Variants in SIGLEC12 observed in about 807,000 individuals in gnomAD.
SIGLEC12 encodes the protein sialic acid binding Ig like lectin 12.
In SIGLEC12, 43 loss-of-function variants were observed where a neutral mutation model predicts 54.1. The observed-to-expected ratio is 0.80, with a 90% CI of 0.62 to 1.03. The LOEUF (loss-of-function observed/expected upper bound fraction) is 1.03, where lower values mean the gene tolerates loss of function less well. Among genes scored for constraint, SIGLEC12 ranks in the 50% least tolerant of loss-of-function variants. The pLI, the probability that SIGLEC12 is intolerant of heterozygous loss-of-function variation, is 0.00. For missense variants in SIGLEC12, 802 were observed against 735.2 expected, an observed-to-expected ratio of 1.09 and a Z score of -1.05; for synonymous variants, 357 against 307.6, an observed-to-expected ratio of 1.16 and a Z score of -1.68.
chr19:51,498,801 G>A (rs1380513777), intron 4 of SIGLEC12, among the ~76,000 whole-genome samples: 2 of 152,162 alleles, frequency 1.3e-5, no homozygotes, highest in African/African-American at 4.8e-5. Context: ...AGACTCTGCT[G>A]TGCATTATAA....
Position 51,501,651 on chromosome 19 carries a change from A to G in SIGLEC12, c.83T>C (p.Met28Thr), listed in dbSNP as rs781695255. ...CTCCTGCACCGTCACGGACTTCTGC[A>G]TTGTCAGCAGGTAATCCTTCTGTTC... Reference protein sequence around the residue: ...AKEQKDYLLTMQKSVTVQEGL... With the variant: ...AKEQKDYLLTTQKSVTVQEGL... The change falls in exon 1 of 8, where the codon ATG becomes ACG. Residue 28 changes from methionine to threonine, a missense_variant. Physicochemically the swap from Met to Thr is moderately conservative, Grantham distance 81 (BLOSUM62 -1). Transcript: ENST00000291707. The G allele has an allele frequency of 5.6e-6, 9 of 1,614,178 alleles. No individual in the cohort carries two copies. Among genetic ancestry groups the G allele is most frequent in the Non-Finnish European group, 7.6e-6 (9 of 1,180,012 alleles).
At chr19:51,495,349 A>ACGGG (rs1568528946) in intron 7 of SIGLEC12, among the ~76,000 whole-genome samples, 46 of 73,580 alleles carry the variant, frequency 6.3e-4, no homozygotes, top group Non-Finnish European at 7.6e-4. Context: ...GGATGGATGG[A>ACGGG]TGGACAGACG....
rs150618212 is a variant in SIGLEC12 at position 51,501,642 on chromosome 19, G to A, written c.92C>T (p.Ser31Phe). The part of the protein sequence containing the change: ...QKDYLLTMQK[S>F]VTVQEGLCVS... The stretch of plus-strand genomic sequence containing the variant: ...ACACAGGCCCTCCTGCACCGTCACG[G>A]ACTTCTGCATTGTCAGCAGGTAATC... The change falls in exon 1 of 8, where the codon TCC becomes TTC. Residue 31 changes from serine (S) to phenylalanine (F), a missense_variant. Transcript: ENST00000291707. 1 of 1,614,174 alleles carries A rather than the reference G, an allele frequency of 6.2e-7. No homozygotes were observed. Among genetic ancestry groups the A allele is most frequent in the East Asian group, 2.2e-5 (1 of 44,892 alleles).
At position 51,491,486 on chromosome 19, in the gene SIGLEC12, G is replaced by T; in HGVS notation, c.*155C>A. The T allele has an allele frequency of 2.9e-6, 2 of 698,816 alleles. No individual in the cohort carries two copies. Among genetic ancestry groups the T allele is most frequent in the Non-Finnish European group, 4.8e-6 (2 of 417,408 alleles). The allele number at this position is 698,816 out of a possible 1,614,324, so 43.3% of individuals were successfully genotyped here. A position where few individuals can be genotyped will look rare whatever the true frequency, so the allele number is the denominator to read the frequency against. ...GATTGGATGGAGAAAGGGAGAGTTT[G>T]GTCATCAGGCACGCATTTTCAGTTT... On this transcript the variant is annotated 3_prime_UTR_variant, in exon 8 of 8. Coordinates refer to ENST00000291707, the MANE Select transcript of SIGLEC12 (RefSeq NM_053003.4).
chr19:51,499,546 G>A lies in SIGLEC12; in HGVS notation c.979C>T (p.Leu327Phe), dbSNP rs778382810. The change falls in exon 3 of 8, where the codon CTC becomes TTC. Residue 327 changes from leucine (L) to phenylalanine (F), a missense_variant. By Grantham distance (22) the Leu-to-Phe change is conservative. Coordinates refer to ENST00000291707, the MANE Select transcript of SIGLEC12 (RefSeq NM_053003.4). ...TCCTGGGGCTGTGGGATGAGGCTGA[G>A]CATCGAGGAGCGAGTGATAGTGGGG... ...LDPTITRSSM[L>F]SLIPQPQDHG... 6.2e-7 allele frequency: 1 copy of A among 1,610,982 alleles called. No homozygotes were observed. Among genetic ancestry groups the A allele is most frequent in the African/African-American group, 1.3e-5 (1 of 74,852 alleles).
At chr19:51,495,250 CGGG>C in intron 7 of SIGLEC12, among the ~76,000 whole-genome samples, 1 of 40,414 alleles carries the variant, frequency 2.5e-5, no homozygotes, top group Non-Finnish European at 4.9e-5. Flanking sequence ...GATGGATGGA[CGGG>C]TGGGTGGGTG....
intron 2 of SIGLEC12, 77 bp from the exon 3 acceptor site, chr19:51,499,793 T>C (rs1012346483): frequency 3.8e-6 from 6 of 1,570,864 alleles, no homozygotes; most frequent in African/African-American, 2.7e-5. Flanking sequence ...CAGGCTCTGG[T>C]CTTACTCCTC....
At chr19:51,500,484 C>T (rs1004545758) in intron 1 of SIGLEC12, 184 bp from the exon 2 acceptor site, 2 of 1,018,732 alleles carry the variant, frequency 2.0e-6, no homozygotes, top group Non-Finnish European at 2.9e-6. Context: ...GAGACCTCAG[C>T]CCTGCATGGA....
At chr19:51,495,377 A>G (rs1190623380) in intron 7 of SIGLEC12, among the ~76,000 whole-genome samples, 3 of 82,194 alleles carry the variant, frequency 3.6e-5, no homozygotes, top group African/African-American at 1.5e-4. Context: ...GGATGGATGG[A>G]TGGATGGATG....
rs1042725098 is a variant in SIGLEC12, at chr19:51,499,054, G to A, written c.1135+116C>T. The A allele has an allele frequency of 3.9e-6, 4 of 1,038,884 alleles. No individual in the cohort carries two copies. The Admixed American group carries it at 7.4e-5, about 19-fold the overall frequency. The allele number at this position is 1,038,884 out of a possible 1,614,324, so 64.4% of individuals were successfully genotyped here. On this transcript the variant is annotated intron_variant, in intron 4 of 7. Transcript: ENST00000291707. ...GGTGGCCAAAAGGCTGAGGCTGAGG[G>A]AGGGGGGGGCCGGGGCTCACCCACA...
intron 1 of SIGLEC12, 60 bp from the exon 2 acceptor site, chr19:51,500,360 A>G (rs951802429): frequency 1.9e-6 from 3 of 1,613,504 alleles, no homozygotes; most frequent in African/African-American, 2.7e-5. Flanking sequence ...TGCCCATAGC[A>G]GGGGCAGCAG....
intron 7 of SIGLEC12, 151 bp downstream of exon 7, chr19:51,496,729 C>A (rs1408043188): frequency 2.6e-6 from 2 of 771,156 alleles, no homozygotes; most frequent in Admixed American, 2.2e-5. Flanking sequence ...ATGGGGAGGG[C>A]AATGAAAGCT....
rs1384659849 is a variant in SIGLEC12, at chr19:51,497,207, A to G, written c.1502+142T>C. 5 of 903,944 alleles carry G rather than the reference A, an allele frequency of 5.5e-6. No individual in the cohort carries two copies. The East Asian group carries it at 1.3e-4, about 23-fold the overall frequency. 56.0% of individuals were successfully genotyped at this position (903,944 alleles called of 1,614,324 possible). A position where few individuals can be genotyped will look rare whatever the true frequency, so the allele number is the denominator to read the frequency against. On this transcript the variant is annotated intron_variant, in intron 6 of 7. Transcript: ENST00000291707. ...CTCCACAAACAGGGGCGCTCATGAA[A>G]TTCTTACCATGCACCCATGACCTCA... is the stretch of plus-strand genomic sequence containing the variant.
chr19:51,491,622 C>G lies in SIGLEC12; in HGVS notation c.*19G>C. The G allele has an allele frequency of 3.1e-6, 5 of 1,613,400 alleles. No individual in the cohort carries two copies. Among genetic ancestry groups the G allele is most frequent in the Non-Finnish European group, 4.2e-6 (5 of 1,179,658 alleles). On this transcript the variant is annotated 3_prime_UTR_variant, in exon 8 of 8. Transcript: ENST00000291707. ...CAGGGGTCGTGAGCCCTCAAACAGGCCTGAGTCTCTGCAGTTTCTCACTTG... is the reference window on the plus strand; with the variant it reads ...CAGGGGTCGTGAGCCCTCAAACAGGGCTGAGTCTCTGCAGTTTCTCACTTG...
Position 51,501,514 on chromosome 19 carries a change from TG to T in SIGLEC12, c.219del (p.Asn73LysfsTer34). On this transcript the variant is annotated frameshift_variant, in exon 1 of 8. Transcript: ENST00000291707. LOFTEE classifies it high-confidence loss of function. ...GCTGGGTTGTTTGTGGCCACTGGAA[TG>T]TTCCGGCTTACATGGTCCCCTGCCC... The part of the protein sequence containing the change: ...WFRAGDHVSR[N>X]IPVATNNPAR... 1 of 1,592,322 alleles carries T rather than the reference TG, an allele frequency of 6.3e-7. No individual in the cohort carries two copies. The highest frequency in any genetic ancestry group is 8.5e-7 in the Non-Finnish European group (1 of 1,171,476).
At chr19:51,495,406 T>C (rs1433709995) in intron 7 of SIGLEC12, among the ~76,000 whole-genome samples, 2 of 72,214 alleles carry the variant, frequency 2.8e-5, no homozygotes, top group South Asian at 5.6e-4. Flanking sequence ...GATGGGTGGG[T>C]GGGTGGGTGG....
rs752882777 is a variant in SIGLEC12, at chr19:51,498,186, A to G, written c.1237T>C (p.Trp413Arg). The G allele has an allele frequency of 4.3e-6, 7 of 1,614,258 alleles. No homozygotes were observed. In the South Asian group the frequency reaches 6.6e-5, roughly 15 times the overall value. The part of the protein sequence containing the change: ...VDSNPPARLS[W>R]TWGSLTLSPS... ...CTCAGGGTCAGGCTCCCCCAGGTCC[A>G]GCTCAGCCTGGCAGGGGGATTGCTG... Residue 413 changes from tryptophan (W) to arginine (R), a missense_variant, in exon 5 of 8, where the codon TGG becomes CGG. Physicochemically the swap from Trp to Arg is moderately radical, Grantham distance 101 (BLOSUM62 -3). Coordinates refer to ENST00000291707, the MANE Select transcript of SIGLEC12 (RefSeq NM_053003.4).
rs74640075 is a variant in SIGLEC12, at chr19:51,495,678, T to C, written c.1599+1202A>G. On this transcript the variant is annotated intron_variant, in intron 7 of 7. Transcript: ENST00000291707. ...ATTGGTTTGGCCATATCCCTCTGTA[T>C]AGAATTAAACTTCGATGAGCCCAAG... is the stretch of plus-strand genomic sequence containing the variant. Among the ~76,000 whole-genome samples, 1,227 of 152,320 alleles carry C rather than the reference T, an allele frequency of 8.1e-3. 20 individuals carry two copies. The highest frequency in any genetic ancestry group is 0.028 in the African/African-American group (1,173 of 41,572).
chr19:51,501,777 C>T lies in SIGLEC12; in HGVS notation c.-44G>A. On this transcript the variant is annotated 5_prime_UTR_variant, in exon 1 of 8. Coordinates refer to ENST00000291707, the MANE Select transcript of SIGLEC12 (RefSeq NM_053003.4). ...CAGGGTTGCTGAGGTAAGTCTGTTC[C>T]TCAGGGTTCTTCTCTCAGGAACTGA... is the stretch of plus-strand genomic sequence containing the variant. 1 of 1,524,906 alleles carries T rather than the reference C, an allele frequency of 6.6e-7. No individual in the cohort carries two copies. The highest frequency in any genetic ancestry group is 8.8e-7 in the Non-Finnish European group (1 of 1,134,776). The allele number at this position is 1,524,906 out of a possible 1,614,324, so 94.5% of individuals were successfully genotyped here.
Sources: allele counts gnomAD v4.1 joint callset (sites outside exome capture counted in the v4.1 genomes callset), GRCh38; gene constraint gnomAD v4.1.1; transcripts MANE v1.5; gene names NCBI Gene and HGNC (gene_info 2026-07-23, HGNC 2026-07-21).